Variants in DSE observed in about 807,000 individuals in gnomAD.
DSE encodes the protein dermatan sulfate epimerase.
A neutral mutation model predicts 84.4 loss-of-function variants in DSE; 36 were observed. The ratio of observed to expected loss-of-function variants is 0.43; its 90% CI spans 0.33 to 0.56. The LOEUF (loss-of-function observed/expected upper bound fraction) is 0.56, where lower values mean the gene tolerates loss of function less well. Among genes scored for constraint, DSE ranks in the 20% least tolerant of loss-of-function variants. DSE has a pLI of 0.06. For missense variants in DSE, 862 were observed against 1,169.6 expected, an observed-to-expected ratio of 0.74 and a Z score of 3.84; for synonymous variants, 410 against 430.1, an observed-to-expected ratio of 0.95 and a Z score of 0.58.
intron 2 of DSE, among the ~76,000 whole-genome samples, chr6:116,341,651 T>G (rs1158269409): frequency 6.6e-6 from 1 of 152,230 alleles, no homozygotes; most frequent in Non-Finnish European, 1.5e-5. Flanking sequence ...CTTTAATCCA[T>G]CTTGAATTAA....
upstream of DSE, chr6:116,366,665 C>G (rs563841318): frequency 6.6e-6 from 1 of 152,258 alleles, no homozygotes; most frequent in Admixed American, 6.5e-5. Flanking sequence ...GGCCAGGATA[C>G]GCAAACTGTA....
chr6:116,299,820 C>T (rs1284783190), intron 2 of DSE, among the ~76,000 whole-genome samples: 5 of 151,910 alleles, frequency 3.3e-5, no homozygotes, highest in Non-Finnish European at 7.4e-5. Context: ...CTACAGTGTA[C>T]TGTGAATTGA....
chr6:116,397,331 C>A (rs955302690), intron 1 of DSE, among the ~76,000 whole-genome samples: 1 of 144,326 alleles, frequency 6.9e-6, no homozygotes, highest in African/African-American at 2.6e-5. Context: ...CTCAACCTCC[C>A]GAGTAGATGG....
In DSE at chr6:116,399,592, G is replaced by A; in HGVS notation, c.342G>A (p.Val114=). ...TGGGTGCCTTGGCAATGTTCTGTGTGCTGTATCCTGAGAACATTGAAGCCC... is the reference window on the plus strand; with the variant it reads ...TGGGTGCCTTGGCAATGTTCTGTGTACTGTATCCTGAGAACATTGAAGCCC... ...NNLGALAMFC[V]LYPENIEARD... Residue 114 remains valine (V), a synonymous_variant, in exon 2 of 6, where the codon GTG becomes GTA. Transcript: ENST00000644252. The A allele has an allele frequency of 6.2e-7, 1 of 1,614,236 alleles. No individual in the cohort carries two copies. The highest frequency in any genetic ancestry group is 1.1e-5 in the South Asian group (1 of 91,082).
chr6:116,425,585 T>C (rs1453895541), intron 2 of DSE, among the ~76,000 whole-genome samples: 1 of 151,342 alleles, frequency 6.6e-6, no homozygotes, highest in Non-Finnish European at 1.5e-5. Context: ...AATGACAATG[T>C]AATTCTTTTT....
At chr6:116,350,675 C>T (rs375317044) in intron 2 of DSE, among the ~76,000 whole-genome samples, 6 of 152,244 alleles carry the variant, frequency 3.9e-5, no homozygotes, top group Admixed American at 3.9e-4. Context: ...TAAGACTATT[C>T]CTTGGACAGA....
In DSE at chr6:116,376,548, T is replaced by C. The variant is rs554541068; in HGVS notation, c.-54+5427T>C. ...TGAATGGAGTAGTTTGTTCAGTCTT[T>C]AATTCAGAATAACATATGAAATTTA... On this transcript the variant is annotated intron_variant, in intron 1 of 5. Coordinates refer to ENST00000644252, the MANE Select transcript of DSE (RefSeq NM_013352.4). Among the ~76,000 whole-genome samples the C allele has an allele frequency of 1.4e-4, 22 of 152,368 alleles. No individual in the cohort carries two copies. The South Asian group carries it at 4.6e-3, about 32-fold the overall frequency.
intron 2 of DSE, among the ~76,000 whole-genome samples, chr6:116,271,229 A>T (rs1265605306): frequency 9.2e-5 from 14 of 152,352 alleles, no homozygotes; most frequent in Admixed American, 8.5e-4. Context: ...GATAGCAGGC[A>T]TTAGAATCAC....
chr6:116,389,813 C>T (rs1780781541), intron 1 of DSE, among the ~76,000 whole-genome samples: 2 of 151,990 alleles, frequency 1.3e-5, no homozygotes, highest in African/African-American at 4.8e-5. Flanking sequence ...AAATCTTTTA[C>T]TCTTTAGAGA....
At chr6:116,263,498 T>C (rs555870408) in intron 2 of DSE, among the ~76,000 whole-genome samples, 11 of 152,316 alleles carry the variant, frequency 7.2e-5, no homozygotes, top group African/African-American at 2.2e-4. Context: ...ATATATGTCA[T>C]TGCATGTGAG....
chr6:116,428,430 T>A (rs555252139), intron 3 of DSE, among the ~76,000 whole-genome samples: 2 of 152,216 alleles, frequency 1.3e-5, no homozygotes, highest in Admixed American at 1.3e-4. Context: ...TAGAGTTTAT[T>A]TCTTCAGTCT....
At chr6:116,390,626 A>G (rs1022515995) in intron 1 of DSE, among the ~76,000 whole-genome samples, 1 of 152,208 alleles carries the variant, frequency 6.6e-6, no homozygotes, top group Non-Finnish European at 1.5e-5. Flanking sequence ...GTATTCTAAA[A>G]CCATCATTAA....
chr6:116,290,213 C>T (rs1774193489), intron 2 of DSE, among the ~76,000 whole-genome samples: 1 of 151,956 alleles, frequency 6.6e-6, no homozygotes, highest in Admixed American at 6.6e-5. Context: ...TGACAGTAAC[C>T]GGGGAACTCA....
intron 4 of DSE, chr6:116,432,507 T>A (rs553998249): frequency 6.6e-6 from 1 of 152,306 alleles, no homozygotes; most frequent in South Asian, 2.1e-4. Flanking sequence ...GATCATTTAC[T>A]AAATTATTAG....
At chr6:116,380,448 G>A (rs537245106) in intron 1 of DSE, among the ~76,000 whole-genome samples, 1 of 152,094 alleles carries the variant, frequency 6.6e-6, no homozygotes, top group African/African-American at 2.4e-5. Flanking sequence ...CAGAAGAGGG[G>A]GAATGAATTG....
chr6:116,348,204 G>A (rs1266326294), intron 2 of DSE, among the ~76,000 whole-genome samples: 4 of 152,176 alleles, frequency 2.6e-5, no homozygotes, highest in Admixed American at 6.5e-5. Context: ...AAAGCGGGTG[G>A]ATTGTGAGGT....
Position 116,399,464 on chromosome 6 carries a change from A to C in DSE, c.214A>C (p.Thr72Pro). 6.2e-7 allele frequency: 1 copy of C among 1,614,208 alleles called. No individual in the cohort carries two copies. Among genetic ancestry groups the C allele is most frequent in the Non-Finnish European group, 8.5e-7 (1 of 1,180,034 alleles). ...GCACGAGCACATTGCAGCCCGCCTCACGGAGGCTGTGCACACGATGCTGTC... is the reference window on the plus strand; with the variant it reads ...GCACGAGCACATTGCAGCCCGCCTCCCGGAGGCTGTGCACACGATGCTGTC... ...SSHEHIAARLTEAVHTMLSSP... is the reference protein window; with the variant it reads ...SSHEHIAARLPEAVHTMLSSP... The change falls in exon 2 of 6, where the codon ACG becomes CCG. Residue 72 changes from threonine to proline, a missense_variant. Physicochemically the swap from Thr to Pro is conservative, Grantham distance 38. Coordinates refer to ENST00000644252, the MANE Select transcript of DSE (RefSeq NM_013352.4).
At chr6:116,292,593 A>G (rs1017137862) in intron 2 of DSE, among the ~76,000 whole-genome samples, 1 of 152,160 alleles carries the variant, frequency 6.6e-6, no homozygotes, top group African/African-American at 2.4e-5. Context: ...TTGAGGGAAG[A>G]ATGTTTGTAG....
At chr6:116,303,335 G>A (rs1775150878) in intron 2 of DSE, among the ~76,000 whole-genome samples, 1 of 151,934 alleles carries the variant, frequency 6.6e-6, no homozygotes, top group Non-Finnish European at 1.5e-5. Context: ...CACTCTTCTT[G>A]CACTCTGCAA....
Sources: gnomAD v4.1 joint callset for allele counts (sites outside exome capture counted in the v4.1 genomes callset) on GRCh38, gnomAD v4.1.1 for gene constraint, MANE v1.5 for transcripts, NCBI Gene and HGNC (gene_info 2026-07-23, HGNC 2026-07-21) for gene names.